Variants in ZNF804B observed in about 807,000 individuals in gnomAD.
ZNF804B encodes the protein zinc finger 804B.
Under a neutral mutation model 101.4 loss-of-function variants are expected in ZNF804B, and 80 were observed. The observed-to-expected ratio is 0.79, with a 90% confidence interval of 0.66 to 0.95. The LOEUF is 0.95. ZNF804B is among the 40% of genes least tolerant of loss of function. The pLI is 0.00. For missense variants in ZNF804B, 1,673 were observed against 1,561.9 expected (o/e 1.07, Z -1.20); for synonymous variants, 622 against 558.8 (o/e 1.11, Z -1.59).
intron 1 of ZNF804B, among the ~76,000 whole-genome samples, chr7:89,104,304 G>T (rs1330880513): frequency 6.6e-6 from 1 of 152,054 alleles, no homozygotes; most frequent in Non-Finnish European, 1.5e-5. Flanking sequence ...GTTTGAGTAA[G>T]ATTGGCACCA....
intron 1 of ZNF804B, among the ~76,000 whole-genome samples, chr7:89,099,628 A>T (rs1030499007): frequency 1.3e-5 from 2 of 152,194 alleles, no homozygotes; most frequent in African/African-American, 2.4e-5. Context: ...TCAAGAGTTC[A>T]AAAGTCATGT....
intron 1 of ZNF804B, among the ~76,000 whole-genome samples, chr7:88,816,236 G>A (rs184365290): frequency 1.3e-5 from 2 of 152,126 alleles, no homozygotes; most frequent in Admixed American, 6.5e-5. Context: ...CTTCCTGTGT[G>A]GATGCTTCAT....
intron 1 of ZNF804B, among the ~76,000 whole-genome samples, chr7:88,923,370 T>C (rs922946411): frequency 1.3e-5 from 2 of 152,114 alleles, no homozygotes; most frequent in Non-Finnish European, 2.9e-5. Flanking sequence ...AAAATTAAAT[T>C]CAGGTCACTT....
intron 1 of ZNF804B, among the ~76,000 whole-genome samples, chr7:88,820,909 G>A (rs1478238694): frequency 6.6e-6 from 1 of 152,120 alleles, no homozygotes; most frequent in East Asian, 1.9e-4. Flanking sequence ...CTGTGAATAT[G>A]CTGCAGTGAG....
At chr7:88,964,284 G>A (rs6972791) in intron 1 of ZNF804B, among the ~76,000 whole-genome samples, 65,708 of 151,268 alleles carry the variant, frequency 0.43, 15,229 homozygotes, top group South Asian at 0.54. Context: ...TTACCCAAAT[G>A]TCTATCAACA....
chr7:89,052,942 A>G (rs932578343), intron 1 of ZNF804B, among the ~76,000 whole-genome samples: 12 of 152,140 alleles, frequency 7.9e-5, no homozygotes. Context: ...TTAGTGTAAA[A>G]CTTGTCTGTA....
intron 1 of ZNF804B, among the ~76,000 whole-genome samples, chr7:88,840,238 T>G (rs1024826356): frequency 2.0e-5 from 3 of 152,172 alleles, no homozygotes; most frequent in Non-Finnish European, 4.4e-5. Flanking sequence ...TCTGACCTCA[T>G]CATCCTTCAA....
chr7:88,887,575 T>G (rs1208791227), intron 1 of ZNF804B, among the ~76,000 whole-genome samples: 1 of 152,188 alleles, frequency 6.6e-6, no homozygotes, highest in African/African-American at 2.4e-5. Flanking sequence ...AAAGATCAGC[T>G]GGTCATAGGT....
At chr7:89,072,367 G>A (rs2116299495) in intron 1 of ZNF804B, among the ~76,000 whole-genome samples, 1 of 152,150 alleles carries the variant, frequency 6.6e-6, no homozygotes, top group South Asian at 2.1e-4. Flanking sequence ...TCCTCTTTTG[G>A]TTTCTACTTG....
chr7:89,221,825 T>G (rs1283259482), intron 2 of ZNF804B, among the ~76,000 whole-genome samples: 1 of 151,902 alleles, frequency 6.6e-6, no homozygotes, highest in Non-Finnish European at 1.5e-5. Flanking sequence ...ATTCTAACTT[T>G]CCTGGGTATT....
intron 1 of ZNF804B, among the ~76,000 whole-genome samples, chr7:88,784,960 T>G (rs948475306): frequency 6.6e-6 from 1 of 152,172 alleles, no homozygotes; most frequent in Admixed American, 6.6e-5. Flanking sequence ...AGATTTAGAA[T>G]GAGGCTTTCT....
intron 1 of ZNF804B, among the ~76,000 whole-genome samples, chr7:89,056,852 G>A (rs1789303500): frequency 1.3e-5 from 2 of 152,146 alleles, no homozygotes; most frequent in Non-Finnish European, 2.9e-5. Context: ...AACAGAGGAA[G>A]AGGTTTAGTC....
At chr7:88,932,573 C>A (rs1171258885) in intron 1 of ZNF804B, among the ~76,000 whole-genome samples, 2 of 151,370 alleles carry the variant, frequency 1.3e-5, no homozygotes, top group African/African-American at 4.8e-5. Flanking sequence ...ATTTTAAAAC[C>A]AACACCATAG....
At chr7:89,232,563 T>G (rs1196676462) in intron 2 of ZNF804B, among the ~76,000 whole-genome samples, 2 of 152,200 alleles carry the variant, frequency 1.3e-5, no homozygotes, top group African/African-American at 4.8e-5. Flanking sequence ...TACTGAAAAT[T>G]TATTGAGATC....
intron 3 of ZNF804B, among the ~76,000 whole-genome samples, chr7:89,332,590 A>G (rs1791003604): frequency 6.6e-6 from 1 of 151,806 alleles, no homozygotes; most frequent in African/African-American, 2.4e-5. Context: ...AATCTAAAGA[A>G]TTTTATCTCT....
chr7:88,866,919 C>T (rs1366881645), intron 1 of ZNF804B, among the ~76,000 whole-genome samples: 1 of 152,154 alleles, frequency 6.6e-6, no homozygotes, highest in Non-Finnish European at 1.5e-5. Context: ...CAAGCCTGAT[C>T]ATTCAGTTTA....
At chr7:88,946,158 G>T (rs1584031952) in intron 1 of ZNF804B, among the ~76,000 whole-genome samples, 1 of 152,100 alleles carries the variant, frequency 6.6e-6, no homozygotes, top group Non-Finnish European at 1.5e-5. Flanking sequence ...GAGCATCCTT[G>T]TCCTGTGCCG....
intron 1 of ZNF804B, among the ~76,000 whole-genome samples, chr7:88,776,443 T>A (rs1266646184): frequency 6.6e-6 from 1 of 152,144 alleles, no homozygotes; most frequent in African/African-American, 2.4e-5. Flanking sequence ...AGCAGCCCTG[T>A]GTTTTCACAA....
chr7:88,883,935 G>A (rs543132327), intron 1 of ZNF804B, among the ~76,000 whole-genome samples: 1 of 151,926 alleles, frequency 6.6e-6, no homozygotes, highest in East Asian at 1.9e-4. Flanking sequence ...AACATTATAG[G>A]TTACAGAAAA....
Sources: allele counts gnomAD v4.1 joint callset (sites outside exome capture counted in the v4.1 genomes callset), GRCh38; gene constraint gnomAD v4.1.1; transcripts MANE v1.5; gene names NCBI Gene and HGNC (gene_info 2026-07-23, HGNC 2026-07-21).